PHF13: variants seen among roughly 807,000 people sequenced by gnomAD.
PHF13 encodes PHD finger protein 13.
Under a neutral mutation model 25.8 loss-of-function variants are expected in PHF13, and 1 was observed. The observed-to-expected ratio is 0.04, with a 90% CI of 0.01 to 0.18. PHF13 has a LOEUF of 0.18. Among genes scored for constraint, PHF13 ranks in the 10% least tolerant of loss-of-function variants. The pLI is 1.00. For missense variants in PHF13, 306 were observed against 403.2 expected (o/e 0.76, Z 2.06); for synonymous variants, 195 against 162.4 (o/e 1.20, Z -1.53).
intron 1 of PHF13, among the ~76,000 whole-genome samples, chr1:6,614,765 G>C (rs986415724): frequency 1.4e-4 from 21 of 151,102 alleles, no homozygotes; most frequent in African/African-American, 5.1e-4. Flanking sequence ...CCGCCCGCGG[G>C]CTTTGCTGGC....
intron 3 of PHF13, among the ~76,000 whole-genome samples, chr1:6,620,881 A>C (rs1641328600): frequency 6.6e-6 from 1 of 151,922 alleles, no homozygotes; most frequent in Admixed American, 6.6e-5. Flanking sequence ...AAAAAGAAAA[A>C]ATTAGCTGGG....
rs528437742 is a variant in PHF13, at chr1:6,618,165, T to TGCTCTGTTGCCCAGGCTG, written c.141+1309_141+1326dup. Among the ~76,000 whole-genome samples the TGCTCTGTTGCCCAGGCTG allele has an allele frequency of 6.2e-4, 95 of 152,022 alleles. No individual in the cohort carries two copies. In the South Asian group the frequency reaches 0.02, roughly 31 times the overall value. On this transcript the variant is annotated intron_variant, in intron 2 of 3. Coordinates refer to ENST00000377648, the MANE Select transcript of PHF13 (RefSeq NM_153812.3). ...GCTTTTTTTTTTTTGCGACAGGTCTTGCTCTGTTGCCCAGGCTGGAGTGCA... is the reference window on the plus strand; with the variant it reads ...GCTTTTTTTTTTTTGCGACAGGTCTTGCTCTGTTGCCCAGGCTGGCTCTGTTGCCCAGGCTGGAGTGCA...
rs1641361987 is a variant in PHF13, at chr1:6,622,891, A to G, written c.*1254A>G. The G allele has an allele frequency of 6.6e-6, 1 of 152,244 alleles. No individual in the cohort carries two copies. Among genetic ancestry groups the G allele is most frequent in the African/African-American group, 2.4e-5 (1 of 41,450 alleles). 9.4% of individuals were successfully genotyped at this position (152,244 alleles called of 1,614,324 possible). On this transcript the variant is annotated 3_prime_UTR_variant, in exon 4 of 4. Transcript: ENST00000377648. ...GCTCGAGGGCAGGGTGCCCTGGAAC[A>G]CTGGTAGTTCTGGGGCTGGGAGGGA...
At position 6,623,519 on chromosome 1, in the gene PHF13, C is replaced by A. The variant is rs563519342; in HGVS notation, c.*1882C>A. On this transcript the variant is annotated 3_prime_UTR_variant, in exon 4 of 4. Transcript: ENST00000377648. ...TTTTCTGCTTTGAAAAAAAAAAATT[C>A]CACAAGCTTTTAAAGGTGCATTTAA... The A allele has an allele frequency of 9.2e-5, 14 of 152,676 alleles. No individual in the cohort carries two copies. Among genetic ancestry groups the A allele is most frequent in the African/African-American group, 3.1e-4 (13 of 41,556 alleles). 9.5% of individuals were successfully genotyped at this position (152,676 alleles called of 1,614,324 possible).
chr1:6,620,209 C>T lies in PHF13; in HGVS notation c.548C>T (p.Thr183Ile). Residue 183 changes from threonine (T) to isoleucine (I), a missense_variant, in exon 3 of 4, where the codon ACT becomes ATT. By Grantham distance (89) the Thr-to-Ile change is moderately conservative. Coordinates refer to ENST00000377648, the MANE Select transcript of PHF13 (RefSeq NM_153812.3). ...SDTPSSGSCA[T>I]VSPDQVKEIK... is the part of the protein sequence containing the mutation. Reference sequence around the variant, plus strand: ...ACTCCCTCGAGTGGATCTTGTGCCACTGTGTCACCTGATCAGGTCAAAGAA... The same window carrying T: ...ACTCCCTCGAGTGGATCTTGTGCCATTGTGTCACCTGATCAGGTCAAAGAA... The T allele has an allele frequency of 6.2e-7, 1 of 1,614,026 alleles. No individual in the cohort carries two copies. Among genetic ancestry groups the T allele is most frequent in the Non-Finnish European group, 8.5e-7 (1 of 1,180,024 alleles).
At chr1:6,616,980 G>A in intron 2 of PHF13, 122 bp downstream of exon 2, 1 of 739,786 alleles carries the variant, frequency 1.4e-6, no homozygotes, top group Non-Finnish European at 2.4e-6. Flanking sequence ...TGCTTGTGGT[G>A]ACCCCAGTCA....
rs1557446741 is a variant in PHF13, at chr1:6,620,067, A to C, written c.406A>C (p.Arg136=). The C allele has an allele frequency of 6.2e-7, 1 of 1,613,376 alleles. No homozygotes were observed. ...TGATGCGCCTGGGAAAGAGGGGTAC[A>C]GGGGGGGCTTGCTGAAGCTGGAAGC... ...DSDAPGKEGY[R]GGLLKLEAAD... is the part of the protein sequence containing the mutation. Residue 136 remains arginine, a synonymous_variant, in exon 3 of 4, where the codon AGG becomes CGG. Transcript: ENST00000377648.
intron 1 of PHF13, among the ~76,000 whole-genome samples, chr1:6,614,843 G>T (rs866418938): frequency 1.4e-3 from 218 of 151,300 alleles, no homozygotes; most frequent in African/African-American, 4.8e-3. Context: ...CCCCCCGCGC[G>T]GTCCCCTCCC....
chr1:6,621,153 G>A lies in PHF13; in HGVS notation c.677-258G>A, dbSNP rs1217651221. Among the ~76,000 whole-genome samples, 1 of 151,418 alleles carries A rather than the reference G, an allele frequency of 6.6e-6. No individual in the cohort carries two copies. The highest frequency in any genetic ancestry group is 1.5e-5 in the Non-Finnish European group (1 of 67,896). On this transcript the variant is annotated intron_variant, in intron 3 of 3. Transcript: ENST00000377648. This position sits in a 1 kb window ranked among gnomAD's most constrained non-coding sequence, Gnocchi z 4.8. ...TTTGAGGCTGCAGTGAGGTATGATT[G>A]CACCACTGCACTCCAGCCAGGGTGA...
At chr1:6,618,248 C>T (rs1213543506) in intron 2 of PHF13, among the ~76,000 whole-genome samples, 2 of 152,092 alleles carry the variant, frequency 1.3e-5, no homozygotes, top group Non-Finnish European at 2.9e-5. Flanking sequence ...GATCCTCCCA[C>T]CTCAGCCTTC....
chr1:6,619,726 C>T, intron 2 of PHF13, 77 bp from the exon 3 acceptor site: 1 of 1,436,356 alleles, frequency 7.0e-7, no homozygotes, highest in Non-Finnish European at 9.4e-7. Context: ...TCTGACATGG[C>T]TGGGTGGCTG....
chr1:6,615,088 C>T (rs1277048362), intron 1 of PHF13, among the ~76,000 whole-genome samples: 1 of 64,206 alleles, frequency 1.6e-5, no homozygotes, highest in Non-Finnish European at 3.3e-5. Context: ...CGCGGGAGGG[C>T]GGGTGGGGGC....
At chr1:6,618,955 G>C (rs1408401310) in intron 2 of PHF13, among the ~76,000 whole-genome samples, 1 of 152,030 alleles carries the variant, frequency 6.6e-6, no homozygotes, top group African/African-American at 2.4e-5. Context: ...CCTAATGCCT[G>C]TTTTCTAGCA....
At position 6,621,032 on chromosome 1, in the gene PHF13, GAAAA is replaced by G. The variant is rs34391010; in HGVS notation, c.677-368_677-365del. Among the ~76,000 whole-genome samples, 1 of 136,494 alleles carries G rather than the reference GAAAA, an allele frequency of 7.3e-6. No individual in the cohort carries two copies. Among genetic ancestry groups the G allele is most frequent in the African/African-American group, 2.8e-5 (1 of 36,222 alleles). 89.5% of individuals were successfully genotyped at this position (136,494 alleles called of 152,430 possible). On this transcript the variant is annotated intron_variant, in intron 3 of 3. Coordinates refer to ENST00000377648, the MANE Select transcript of PHF13 (RefSeq NM_153812.3). This position sits in a 1 kb window ranked among gnomAD's most constrained non-coding sequence, Gnocchi z 4.8. Reference sequence around the variant, plus strand: ...GGGCGACAGCAAAACTCCGTCTCAAGAAAAAAAAAAAAAACAATAGTCGAGTGTG... The same window carrying G: ...GGGCGACAGCAAAACTCCGTCTCAAGAAAAAAAAAACAATAGTCGAGTGTG...
rs1394228493 is a variant in PHF13 at position 6,614,029 on chromosome 1, C to T, written c.-38C>T. On this transcript the variant is annotated 5_prime_UTR_variant, in exon 1 of 4. Transcript: ENST00000377648. ...CGGCCCCGCTCCAGCATCCCAGCTC[C>T]TGCACTCTCGCAGCCGCCGCCGCCC... The T allele has an allele frequency of 1.3e-6, 2 of 1,565,822 alleles. No individual in the cohort carries two copies. The highest frequency in any genetic ancestry group is 1.7e-6 in the Non-Finnish European group (2 of 1,151,804).
At position 6,614,063 on chromosome 1, in the gene PHF13, G is replaced by A. The variant is rs371600650; in HGVS notation, c.-4G>A. ...CGCAGCCGCCGCCGCCCCCCGCCCG[G>A]AACATGGACTCTGACTCTTGCGCCG... On this transcript the variant is annotated 5_prime_UTR_variant, in exon 1 of 4. Coordinates refer to ENST00000377648, the MANE Select transcript of PHF13 (RefSeq NM_153812.3). 8.2e-6 allele frequency: 13 copies of A among 1,591,810 alleles called. No individual in the cohort carries two copies. Among genetic ancestry groups the A allele is most frequent in the Admixed American group, 1.7e-5 (1 of 58,638 alleles).
Position 6,622,703 on chromosome 1 carries a change from A to T in PHF13, c.*1066A>T, listed in dbSNP as rs999508412. 2.6e-5 allele frequency: 4 copies of T among 151,522 alleles called. No homozygotes were observed. The highest frequency in any genetic ancestry group is 5.9e-5 in the Non-Finnish European group (4 of 68,034). 9.4% of individuals were successfully genotyped at this position (151,522 alleles called of 1,614,324 possible). On this transcript the variant is annotated 3_prime_UTR_variant, in exon 4 of 4. Transcript: ENST00000377648. ...CTTGAGTCTTTCTTTTTCTGTTTTG[A>T]GTTGGTGAGTGAGTGATAGGGTAAC...
At chr1:6,617,139 G>C (rs1641273266) in intron 2 of PHF13, among the ~76,000 whole-genome samples, 1 of 152,224 alleles carries the variant, frequency 6.6e-6, no homozygotes, top group South Asian at 2.1e-4. Context: ...AACTTGCTCT[G>C]TCGCCCAGGC....
chr1:6,621,038 A>G lies in PHF13; in HGVS notation c.677-373A>G, dbSNP rs1339676367. On this transcript the variant is annotated intron_variant, in intron 3 of 3. Transcript: ENST00000377648. This position sits in a 1 kb window ranked among gnomAD's most constrained non-coding sequence, Gnocchi z 4.8. The stretch of plus-strand genomic sequence containing the variant: ...CAGCAAAACTCCGTCTCAAGAAAAA[A>G]AAAAAAAACAATAGTCGAGTGTGGT... Among the ~76,000 whole-genome samples the G allele has an allele frequency of 6.6e-6, 1 of 150,484 alleles. No individual in the cohort carries two copies. Among genetic ancestry groups the G allele is most frequent in the African/African-American group, 2.4e-5 (1 of 40,876 alleles).
Sources: gnomAD v4.1 joint callset for allele counts (sites outside exome capture counted in the v4.1 genomes callset) on GRCh38, gnomAD v4.1.1 for gene constraint, Gnocchi (gnomAD v3.1) non-coding constraint, MANE v1.5 for transcripts, NCBI Gene and HGNC (gene_info 2026-07-23, HGNC 2026-07-21) for gene names.